ADAMTS12: variants seen among roughly 807,000 people sequenced by gnomAD.
ADAMTS12 encodes the protein A disintegrin and metalloproteinase with thrombospondin motifs 12.
In ADAMTS12, 118 loss-of-function variants were observed where a neutral mutation model predicts 167.8. The ratio of observed to expected loss-of-function variants is 0.70; its 90% CI spans 0.61 to 0.82. The LOEUF (loss-of-function observed/expected upper bound fraction) is 0.82, where lower values mean the gene tolerates loss of function less well. ADAMTS12 is among the 40% of genes least tolerant of loss of function. The pLI is 0.00. For missense variants in ADAMTS12, 1,916 were observed against 1,998.8 expected, an observed-to-expected ratio of 0.96 and a Z score of 0.79; for synonymous variants, 704 against 716.9, an observed-to-expected ratio of 0.98 and a Z score of 0.29.
rs191430210 is a variant in ADAMTS12 at position 33,807,333 on chromosome 5, G to A, written c.490-55785C>T. Among the ~76,000 whole-genome samples the A allele has an allele frequency of 5.9e-5, 9 of 152,334 alleles. No homozygotes were observed. In the East Asian group the frequency reaches 1.4e-3, roughly 23 times the overall value. On this transcript the variant is annotated intron_variant, in intron 2 of 23. Transcript: ENST00000504830. ...AACATCCAGATTTCTAAATACAGGA[G>A]AGGAATACAGTAGCATGGCTCCAGA... is the stretch of plus-strand genomic sequence containing the variant.
intron 17 of ADAMTS12, 141 bp downstream of exon 17, chr5:33,595,793 C>G: frequency 5.6e-6 from 7 of 1,246,688 alleles, no homozygotes; most frequent in Non-Finnish European, 7.8e-6. Context: ...AGCATAGCCA[C>G]AGAAAACTCT....
chr5:33,722,609 G>T (rs937330289), intron 3 of ADAMTS12, among the ~76,000 whole-genome samples: 1 of 152,166 alleles, frequency 6.6e-6, no homozygotes, highest in Non-Finnish European at 1.5e-5. Context: ...AAATGAGCTT[G>T]TTTCCTTTAC....
At chr5:33,703,563 C>T (rs750656098) in intron 3 of ADAMTS12, among the ~76,000 whole-genome samples, 1 of 152,072 alleles carries the variant, frequency 6.6e-6, no homozygotes, top group African/African-American at 2.4e-5. Context: ...ATTTCTTCCT[C>T]CCCCCAATCC....
At chr5:33,552,216 T>C (rs1292576808) in intron 20 of ADAMTS12, among the ~76,000 whole-genome samples, 1 of 152,224 alleles carries the variant, frequency 6.6e-6, no homozygotes, top group Non-Finnish European at 1.5e-5. Context: ...GAAATCCTAG[T>C]ACACTTCCCA....
chr5:33,596,072 A>T lies in ADAMTS12; in HGVS notation c.2528-12T>A. The T allele has an allele frequency of 6.2e-7, 1 of 1,613,722 alleles. No homozygotes were observed. The highest frequency in any genetic ancestry group is 1.1e-5 in the South Asian group (1 of 91,016). On this transcript the variant is annotated splice_polypyrimidine_tract_variant and intron_variant, in intron 16 of 23. Transcript: ENST00000504830. ...TTGGCGGCGGATACCTGGGGGTCAGACAGAAAGATTCACACATATTGAATC... is the reference window on the plus strand; with the variant it reads ...TTGGCGGCGGATACCTGGGGGTCAGTCAGAAAGATTCACACATATTGAATC...
Position 33,546,096 on chromosome 5 carries a change from T to C in ADAMTS12, c.4409A>G (p.His1470Arg). ...RPTSTMSCNE[H>R]LCCHWATGNW... ...CCCAGTGGCCCAGTGACAGCACAGG[T>C]GCTCATTGCAAGACATGGTGGATGT... The change falls in exon 22 of 24, where the codon CAC becomes CGC. Residue 1470 changes from histidine to arginine, a missense_variant. By Grantham distance (29) the His-to-Arg change is conservative. Coordinates refer to ENST00000504830, the MANE Select transcript of ADAMTS12 (RefSeq NM_030955.4). 6.2e-7 allele frequency: 1 copy of C among 1,613,366 alleles called. No individual in the cohort carries two copies. The highest frequency in any genetic ancestry group is 8.5e-7 in the Non-Finnish European group (1 of 1,179,886).
At chr5:33,747,520 T>C (rs1444559199) in intron 3 of ADAMTS12, among the ~76,000 whole-genome samples, 1 of 152,172 alleles carries the variant, frequency 6.6e-6, no homozygotes, top group African/African-American at 2.4e-5. Flanking sequence ...TGGTTACTAA[T>C]TTCATTCCAC....
chr5:33,529,845 A>T (rs2111727113), intron 23 of ADAMTS12, among the ~76,000 whole-genome samples: 1 of 152,254 alleles, frequency 6.6e-6, no homozygotes, highest in East Asian at 1.9e-4. Flanking sequence ...CTCTTCTTTA[A>T]GCCTCTTATA....
chr5:33,534,852 C>T lies in ADAMTS12; in HGVS notation c.4587G>A (p.Gln1529=), dbSNP rs1744298235. ...RPPEFKKCNQ[Q]ACKKSADLLC... is the part of the protein sequence containing the mutation. ...ACCCACCGGCACTTTTCTTGCAGGC[C>T]TGCTGGTTGCATTTTTTGAATTCTG... Residue 1529 remains glutamine (Q), a synonymous_variant, in exon 23 of 24, where the codon CAG becomes CAA. Transcript: ENST00000504830. 6 of 1,613,552 alleles carry T rather than the reference C, an allele frequency of 3.7e-6. No homozygotes were observed. In the Admixed American group the frequency reaches 8.3e-5, roughly 22 times the overall value.
chr5:33,880,146 T>C (rs993833108), intron 2 of ADAMTS12, among the ~76,000 whole-genome samples: 3 of 152,344 alleles, frequency 2.0e-5, no homozygotes, highest in East Asian at 3.9e-4. Flanking sequence ...CGTATAATGA[T>C]AGAAAGACTT....
chr5:33,707,326 T>C (rs1304225008), intron 3 of ADAMTS12, among the ~76,000 whole-genome samples: 1 of 152,158 alleles, frequency 6.6e-6, no homozygotes, highest in East Asian at 1.9e-4. Context: ...TGAAAACACA[T>C]TCCATGCTCA....
At chr5:33,617,707 T>A (rs897951944) in intron 14 of ADAMTS12, among the ~76,000 whole-genome samples, 1 of 152,160 alleles carries the variant, frequency 6.6e-6, no homozygotes, top group African/African-American at 2.4e-5. Context: ...CCTTTTCATA[T>A]CAGAGCTCAT....
At position 33,588,611 on chromosome 5, in the gene ADAMTS12, G is replaced by T. The variant is rs200923737; in HGVS notation, c.2853C>A (p.Gly951=). Residue 951 remains glycine (G), a synonymous_variant, in exon 18 of 24, where the codon GGC becomes GGA. Transcript: ENST00000504830. ...DILCPSDWTV[G]NWSECSVSCG... The stretch of plus-strand genomic sequence containing the variant: ...GCCCTGAGCTCACCTCACTCCAGTT[G>T]CCCACTGTCCAGTCCGAGGGGCACA... The T allele has an allele frequency of 2.5e-6, 4 of 1,614,088 alleles. No individual in the cohort carries two copies. Among genetic ancestry groups the T allele is most frequent in the South Asian group, 1.1e-5 (1 of 91,080 alleles).
At chr5:33,620,066 C>T (rs1281996320) in intron 14 of ADAMTS12, among the ~76,000 whole-genome samples, 7 of 152,158 alleles carry the variant, frequency 4.6e-5, no homozygotes, top group African/African-American at 1.2e-4. Context: ...AGTCCTGCAC[C>T]GATGTGAAAG....
intron 2 of ADAMTS12, among the ~76,000 whole-genome samples, chr5:33,795,578 G>A (rs549144215): frequency 6.6e-6 from 1 of 152,220 alleles, no homozygotes; most frequent in African/African-American, 2.4e-5. Flanking sequence ...AAGCACAAAG[G>A]GACTCCAGCA....
At chr5:33,724,664 G>C (rs545016070) in intron 3 of ADAMTS12, among the ~76,000 whole-genome samples, 1 of 151,418 alleles carries the variant, frequency 6.6e-6, no homozygotes, top group Admixed American at 6.6e-5. Context: ...CCATTCTCCT[G>C]TCTCAGCCTC....
At chr5:33,639,331 T>C (rs771765637) in intron 11 of ADAMTS12, among the ~76,000 whole-genome samples, 6 of 152,122 alleles carry the variant, frequency 3.9e-5, no homozygotes, top group Non-Finnish European at 5.9e-5. Context: ...TCCTAGAAGT[T>C]TATAATTTGG....
chr5:33,631,568 C>A (rs1055628265), intron 12 of ADAMTS12, among the ~76,000 whole-genome samples: 3 of 152,156 alleles, frequency 2.0e-5, no homozygotes, highest in Non-Finnish European at 4.4e-5. Flanking sequence ...GTTCAGTTTT[C>A]TACTCCATTG....
At chr5:33,686,253 G>A (rs558385805) in intron 3 of ADAMTS12, among the ~76,000 whole-genome samples, 25 of 152,146 alleles carry the variant, frequency 1.6e-4, no homozygotes, top group African/African-American at 6.0e-4. Flanking sequence ...CCTGGGTGCC[G>A]GTCCCCTCAC....
Sources: gnomAD v4.1 joint callset for allele counts (sites outside exome capture counted in the v4.1 genomes callset) on GRCh38, gnomAD v4.1.1 for gene constraint, MANE v1.5 for transcripts, NCBI Gene and HGNC (gene_info 2026-07-23, HGNC 2026-07-21) for gene names.